Variants in PP2D1 observed in about 807,000 individuals in gnomAD.
PP2D1 encodes protein phosphatase 2C-like domain-containing protein 1.
PP2D1 carries 25 observed loss-of-function variants against 30.2 expected under a neutral mutation model. The ratio of observed to expected loss-of-function variants is 0.83; its 90% CI spans 0.60 to 1.16. The LOEUF is 1.16. Ranked by LOEUF, PP2D1 falls within the 50% of genes most tolerant of loss-of-function variation. The pLI is 0.00. For synonymous variants in PP2D1, 260 were observed against 258.9 expected (o/e 1.00, Z -0.04); for missense variants, 760 against 742.4 (o/e 1.02, Z -0.28).
chr3:19,987,585 C>T (rs1697056531), intron 2 of PP2D1, among the ~76,000 whole-genome samples: 2 of 151,914 alleles, frequency 1.3e-5, no homozygotes, highest in South Asian at 4.1e-4. Flanking sequence ...AATTCTAGGC[C>T]CACAGTTTTT....
At chr3:19,988,350 G>A (rs903356436) in intron 2 of PP2D1, among the ~76,000 whole-genome samples, 3 of 152,098 alleles carry the variant, frequency 2.0e-5, no homozygotes, top group East Asian at 1.9e-4. Context: ...TCTCTTGTAC[G>A]GTTGCACATA....
intron 2 of PP2D1, among the ~76,000 whole-genome samples, chr3:19,989,786 C>T (rs1464586932): frequency 6.6e-6 from 1 of 152,144 alleles, no homozygotes; most frequent in African/African-American, 2.4e-5. Flanking sequence ...CATAGTTTGG[C>T]TCACAATAGT....
chr3:19,992,317 G>T (rs1473881302), intron 2 of PP2D1, among the ~76,000 whole-genome samples: 1 of 152,078 alleles, frequency 6.6e-6, no homozygotes, highest in Non-Finnish European at 1.5e-5. Flanking sequence ...TCAGAATCAG[G>T]TTTGTAAGCA....
Position 20,001,639 on chromosome 3 carries a change from G to T in PP2D1, c.481C>A (p.Gln161Lys). 1.3e-6 allele frequency: 2 copies of T among 1,536,116 alleles called. No homozygotes were observed. The highest frequency in any genetic ancestry group is 1.4e-5 in the African/African-American group (1 of 73,138). Reference sequence around the variant, plus strand: ...TTAATTAACAGATGACATATTTTTTGAGAATATATGACACTCCTGTCAATG... The same window carrying T: ...TTAATTAACAGATGACATATTTTTTTAGAATATATGACACTCCTGTCAATG... ...DNIDRSVIYS[Q>K]KICHLLIKGV... Residue 161 changes from glutamine to lysine, a missense_variant, in exon 2 of 3, where the codon CAA (glutamine) becomes AAA (lysine). Physicochemically the swap from Gln to Lys is moderately conservative, Grantham distance 53 (BLOSUM62 1). Around this residue, in one of 3 missense-constraint regions of PP2D1, gnomAD observed 374 missense variants for 388.8 expected, o/e 0.96. Transcript: ENST00000389050.
chr3:19,980,488 A>G (rs1696904241), downstream of PP2D1, among the ~76,000 whole-genome samples: 1 of 149,158 alleles, frequency 6.7e-6, no homozygotes, highest in South Asian at 2.1e-4. Flanking sequence ...ACACTTTGAT[A>G]GATTAGTAAC....
intron 2 of PP2D1, among the ~76,000 whole-genome samples, chr3:19,989,268 G>T (rs571216357): frequency 6.6e-6 from 1 of 152,298 alleles, no homozygotes; most frequent in East Asian, 1.9e-4. Flanking sequence ...GGAGGCAGAG[G>T]TTGCAGTGAG....
At chr3:19,995,638 A>G (rs1697170944) in intron 2 of PP2D1, among the ~76,000 whole-genome samples, 1 of 152,236 alleles carries the variant, frequency 6.6e-6, no homozygotes, top group Admixed American at 6.5e-5. Context: ...CGATAAGTGA[A>G]AAGTCAATCA....
Position 20,001,373 on chromosome 3 carries a change from A to T in PP2D1, c.747T>A (p.Asn249Lys). ...CTTCTCTAAACACAGTGTAAAAGGA[A>T]TTGATTATTTGTTGCTCATCAGTTG... ...QMTTDEQQII[N>K]SFYTVFREEY... The change falls in exon 2 of 3, where the codon AAT (asparagine) becomes AAA (lysine). Residue 249 changes from asparagine to lysine, a missense_variant. Physicochemically the swap from Asn to Lys is moderately conservative, Grantham distance 94 (BLOSUM62 0). This residue lies in a region of PP2D1 where 374 missense variants were observed against 388.8 expected (regional missense o/e 0.96). Coordinates refer to ENST00000389050, the MANE Select transcript of PP2D1 (RefSeq NM_001252657.2). 6.5e-7 allele frequency: 1 copy of T among 1,536,496 alleles called. No individual in the cohort carries two copies. Among genetic ancestry groups the T allele is most frequent in the Non-Finnish European group, 8.7e-7 (1 of 1,146,962 alleles).
chr3:20,001,594 CTTCACAAATGCCCACTCCTTTAA>C lies in PP2D1; in HGVS notation c.503_525del (p.Ile168ArgfsTer9), dbSNP rs1697253721. On this transcript the variant is annotated frameshift_variant, in exon 2 of 3. Coordinates refer to ENST00000389050, the MANE Select transcript of PP2D1 (RefSeq NM_001252657.2). LOFTEE classifies it high-confidence loss of function. Reference sequence around the variant, plus strand: ...TCAGCTTTCCATGTAGAATTCCTGTCTTCACAAATGCCCACTCCTTTAATTAACAGATGACATATTTTTTGAGA... The same window carrying C: ...TCAGCTTTCCATGTAGAATTCCTGTCTTAACAGATGACATATTTTTTGAGA... The C allele has an allele frequency of 6.5e-7, 1 of 1,536,408 alleles. No individual in the cohort carries two copies. The highest frequency in any genetic ancestry group is 8.7e-7 in the Non-Finnish European group (1 of 1,146,972).
chr3:19,985,395 A>C lies in PP2D1; in HGVS notation c.1878T>G (p.Tyr626Ter). The C allele has an allele frequency of 6.5e-7, 1 of 1,528,008 alleles. No individual in the cohort carries two copies. Among genetic ancestry groups the C allele is most frequent in the Admixed American group, 2.0e-5 (1 of 49,888 alleles). 94.7% of individuals were successfully genotyped at this position (1,528,008 alleles called of 1,614,324 possible). A position where few individuals can be genotyped will look rare whatever the true frequency, so the allele number is the denominator to read the frequency against. ...VMVIFLNGSEYQLLT is the reference protein window; with the variant it reads ...VMVIFLNGSE ...CTTTATTTTTTTATGTCAGAAGCTG[A>C]TATTCACTTCCATTGAGAAATATTA... The change falls in exon 3 of 3, where the codon TAT becomes TAG. Residue 626 changes from tyrosine (Y) to a stop codon, truncating the protein, a stop_gained. Coordinates refer to ENST00000389050, the MANE Select transcript of PP2D1 (RefSeq NM_001252657.2). LOFTEE classifies it high-confidence loss of function.
chr3:19,987,178 T>A (rs1697050522), intron 2 of PP2D1, among the ~76,000 whole-genome samples: 1 of 152,132 alleles, frequency 6.6e-6, no homozygotes. Context: ...TTCAAATGAA[T>A]CTGTGATGGT....
At chr3:19,981,613 C>CA (rs11307995), downstream of PP2D1, among the ~76,000 whole-genome samples, 1,300 of 138,826 alleles carry the variant, frequency 9.4e-3, 9 homozygotes, top group African/African-American at 0.013. Flanking sequence ...GACTCCGCCT[C>CA]AAAAAAAAAA....
intron 2 of PP2D1, among the ~76,000 whole-genome samples, chr3:19,991,098 A>T: frequency 6.6e-6 from 1 of 152,346 alleles, no homozygotes; most frequent in Middle Eastern, 3.4e-3. Context: ...AGAAAATGTT[A>T]TCAGAACAAA....
At chr3:20,000,446 A>G (rs1013917655) in intron 2 of PP2D1, among the ~76,000 whole-genome samples, 5 of 152,206 alleles carry the variant, frequency 3.3e-5, no homozygotes, top group Non-Finnish European at 7.3e-5. Context: ...TGAGCTTTCC[A>G]TTTTGGCAAG....
intron 2 of PP2D1, 188 bp downstream of exon 2, chr3:20,000,842 C>T (rs895666024): frequency 3.9e-5 from 15 of 386,726 alleles, no homozygotes; most frequent in Non-Finnish European, 5.9e-5. Context: ...AAAATAATTA[C>T]AATTATTTTT....
intron 2 of PP2D1, among the ~76,000 whole-genome samples, chr3:19,990,922 A>G (rs1173796495): frequency 6.6e-6 from 1 of 152,144 alleles, no homozygotes; most frequent in Non-Finnish European, 1.5e-5. Flanking sequence ...AGAAAGGACA[A>G]TTTGACTTTT....
intron 1 of PP2D1, among the ~76,000 whole-genome samples, chr3:20,010,865 C>T (rs149931234): frequency 1.2e-3 from 182 of 152,088 alleles, no homozygotes; most frequent in Non-Finnish European, 1.5e-3. Context: ...GGCCAGCTAC[C>T]GTGCAAGGTG....
downstream of PP2D1, chr3:19,985,201 T>C (rs1697009869): frequency 3.7e-6 from 2 of 535,920 alleles, no homozygotes; most frequent in Non-Finnish European, 6.3e-6. Context: ...TTTTCCTTTT[T>C]TTTGGCATAA....
intron 2 of PP2D1, chr3:19,996,897 C>T (rs1480837552): frequency 6.6e-6 from 1 of 152,050 alleles, no homozygotes; most frequent in African/African-American, 2.4e-5. Flanking sequence ...ACCGTGACGA[C>T]TTGTAATACA....
Sources: gnomAD v4.1 joint callset for allele counts (sites outside exome capture counted in the v4.1 genomes callset) on GRCh38, gnomAD v4.1.1 for gene constraint, gnomAD v4.1.1 regional missense constraint, MANE v1.5 for transcripts, NCBI Gene and HGNC (gene_info 2026-07-23, HGNC 2026-07-21) for gene names.